Variants in CSMD1 observed in about 807,000 individuals in gnomAD.
CSMD1 encodes the protein CUB and sushi domain-containing protein 1.
In CSMD1, 213 loss-of-function variants were observed where a neutral mutation model predicts 417.5. The ratio of observed to expected loss-of-function variants is 0.51; its 90% CI spans 0.46 to 0.57. The LOEUF (loss-of-function observed/expected upper bound fraction) is 0.57, where lower values mean the gene tolerates loss of function less well. Ranked by LOEUF, CSMD1 falls within the 20% of genes least tolerant of loss-of-function variation. The pLI is 0.00. For missense variants in CSMD1, 6,923 were observed against 4,529.7 expected, an observed-to-expected ratio of 1.53 and a Z score of -15.17; for synonymous variants, 2,862 against 1,736.8, an observed-to-expected ratio of 1.65 and a Z score of -16.11.
intron 3 of CSMD1, among the ~76,000 whole-genome samples, chr8:4,124,210 T>C (rs1802639759): frequency 6.6e-6 from 1 of 152,076 alleles, no homozygotes; most frequent in South Asian, 2.1e-4. Flanking sequence ...AGGAGGAAGC[T>C]TCAGGGCTCC....
At chr8:3,114,527 A>G (rs10106825) in intron 42 of CSMD1, among the ~76,000 whole-genome samples, 68,922 of 151,220 alleles carry the variant, frequency 0.46, 18,636 homozygotes, top group African/African-American at 0.76. Flanking sequence ...TAGTGTGTAG[A>G]GAACCAGAGT....
intron 1 of CSMD1, among the ~76,000 whole-genome samples, chr8:4,660,832 AGATAGGCAGAT>A (rs574211682): frequency 1.0e-3 from 154 of 152,298 alleles, no homozygotes; most frequent in Admixed American, 2.5e-3. Flanking sequence ...ATTTCACTGA[AGATAGGCAGAT>A]GGCAAATACC....
chr8:3,231,549 A>G (rs1380967202), intron 26 of CSMD1, among the ~76,000 whole-genome samples: 1 of 152,198 alleles, frequency 6.6e-6, no homozygotes, highest in African/African-American at 2.4e-5. Flanking sequence ...AAATGGAATA[A>G]TAAAATCCAT....
chr8:3,745,592 A>C lies in CSMD1; in HGVS notation c.931+8338T>G, dbSNP rs150193684. Among the ~76,000 whole-genome samples the C allele has an allele frequency of 2.0e-5, 3 of 152,238 alleles. 1 individual carries two copies. Among genetic ancestry groups the C allele is most frequent in the Middle Eastern group, 6.8e-3 (2 of 294 alleles). On this transcript the variant is annotated intron_variant, in intron 6 of 69. Transcript: ENST00000635120. ...ACGCTTGCTCCTCAACCATTTTGGA[A>C]CTCATCTCTGGATTCATTCTGAGCA...
At chr8:4,705,018 T>C (rs1473519784) in intron 1 of CSMD1, among the ~76,000 whole-genome samples, 1 of 152,186 alleles carries the variant, frequency 6.6e-6, no homozygotes, top group Non-Finnish European at 1.5e-5. Context: ...TAATTTTGGA[T>C]CATGGTAGTT....
chr8:3,699,647 C>T (rs745763938), intron 7 of CSMD1, among the ~76,000 whole-genome samples: 1 of 152,196 alleles, frequency 6.6e-6, no homozygotes, highest in African/African-American at 2.4e-5. Context: ...TATGACAGCA[C>T]TCTGTGTGAC....
At chr8:3,697,839 G>A (rs1383474219) in intron 7 of CSMD1, among the ~76,000 whole-genome samples, 4 of 152,072 alleles carry the variant, frequency 2.6e-5, no homozygotes, top group African/African-American at 4.8e-5. Context: ...TCATCTCCAG[G>A]TTGTTTCTCA....
chr8:4,150,691 T>G (rs186869580), intron 3 of CSMD1, among the ~76,000 whole-genome samples: 16 of 152,280 alleles, frequency 1.1e-4, no homozygotes, highest in African/African-American at 3.6e-4. Flanking sequence ...AGCATTTGGT[T>G]TAGAACCTTA....
rs1405120299 is a variant in CSMD1 at position 3,110,275 on chromosome 8, T to C, written c.6491A>G (p.Asp2164Gly). ...NGTIYSPGFP[D>G]EYPILKDCIW... ...GCAGTCCTTCAGGATCGGATACTCATCAGGAAAGCCAGGGGAGTAGATGGT... is the reference window on the plus strand; with the variant it reads ...GCAGTCCTTCAGGATCGGATACTCACCAGGAAAGCCAGGGGAGTAGATGGT... Residue 2164 changes from aspartate (D) to glycine (G), a missense_variant, in exon 43 of 70, where the codon GAT becomes GGT. Physicochemically the swap from Asp to Gly is moderately conservative, Grantham distance 94. Coordinates refer to ENST00000635120, the MANE Select transcript of CSMD1 (RefSeq NM_033225.6). 1 of 1,613,444 alleles carries C rather than the reference T, an allele frequency of 6.2e-7. No individual in the cohort carries two copies. The highest frequency in any genetic ancestry group is 8.5e-7 in the Non-Finnish European group (1 of 1,179,674).
At chr8:3,500,310 T>A (rs1796545972) in intron 10 of CSMD1, among the ~76,000 whole-genome samples, 1 of 152,046 alleles carries the variant, frequency 6.6e-6, no homozygotes. Flanking sequence ...GACATCTCGA[T>A]GTCTGCTAAG....
At chr8:3,524,414 C>A (rs184550458) in intron 10 of CSMD1, among the ~76,000 whole-genome samples, 7 of 151,480 alleles carry the variant, frequency 4.6e-5, no homozygotes, top group African/African-American at 1.7e-4. Flanking sequence ...GACATATGCA[C>A]ACACAACCAG....
intron 5 of CSMD1, among the ~76,000 whole-genome samples, chr8:3,780,885 A>T (rs940367254): frequency 6.6e-6 from 1 of 152,208 alleles, no homozygotes; most frequent in African/African-American, 2.4e-5. Context: ...CAGAGTGTGG[A>T]AGGGGTTTAG....
intron 5 of CSMD1, among the ~76,000 whole-genome samples, chr8:3,828,419 C>A (rs935561138): frequency 3.9e-5 from 6 of 152,088 alleles, no homozygotes; most frequent in Non-Finnish European, 7.4e-5. Flanking sequence ...ATTGCAACAG[C>A]CTCTGACTTG....
At chr8:3,718,238 C>G (rs1307906174) in intron 6 of CSMD1, among the ~76,000 whole-genome samples, 1 of 152,114 alleles carries the variant, frequency 6.6e-6, no homozygotes, top group African/African-American at 2.4e-5. Context: ...GTTGTCTTCA[C>G]AAGGTTATTT....
At chr8:4,871,425 G>A (rs1802732799) in intron 1 of CSMD1, among the ~76,000 whole-genome samples, 1 of 152,078 alleles carries the variant, frequency 6.6e-6, no homozygotes, top group African/African-American at 2.4e-5. Context: ...ATGAGTTCCA[G>A]TACAGTGGCA....
At chr8:4,036,770 T>G (rs950521559) in intron 3 of CSMD1, among the ~76,000 whole-genome samples, 25 of 152,242 alleles carry the variant, frequency 1.6e-4, no homozygotes, top group African/African-American at 6.0e-4. Context: ...AATAGCACTG[T>G]TGGCAGCACC....
At chr8:4,332,751 T>C (rs908590108) in intron 3 of CSMD1, among the ~76,000 whole-genome samples, 5 of 151,932 alleles carry the variant, frequency 3.3e-5, no homozygotes, top group African/African-American at 7.3e-5. Context: ...CTTAGACACA[T>C]ATGTAATGGC....
chr8:4,810,501 T>G lies in CSMD1; in HGVS notation c.86-172943A>C, dbSNP rs192743463. 2.9e-3 allele frequency among the ~76,000 whole-genome samples: 445 copies of G among 152,232 alleles called. 3 individuals carry two copies. Among genetic ancestry groups the G allele is most frequent in the Middle Eastern group, 0.014 (4 of 294 alleles). On this transcript the variant is annotated intron_variant, in intron 1 of 69. Transcript: ENST00000635120. ...ATGTTTGATGTTATTATTTGGCAAT[T>G]GTCTGTAACACTTAGTAAAATACAC...
chr8:4,192,175 C>T (rs1250207763), intron 3 of CSMD1, among the ~76,000 whole-genome samples: 2 of 152,074 alleles, frequency 1.3e-5, no homozygotes, highest in Non-Finnish European at 2.9e-5. Flanking sequence ...GTTATAAAGG[C>T]TCAACAGATG....
Sources: gnomAD v4.1 joint callset for allele counts (sites outside exome capture counted in the v4.1 genomes callset) on GRCh38, gnomAD v4.1.1 for gene constraint, MANE v1.5 for transcripts, NCBI Gene and HGNC (gene_info 2026-07-23, HGNC 2026-07-21) for gene names.